ACTN1: variants seen among roughly 807,000 people sequenced by gnomAD.
The protein encoded by ACTN1 is actinin alpha 1.
ACTN1 carries 30 observed loss-of-function variants against 119.6 expected under a neutral mutation model. That is an observed-to-expected ratio of 0.25 (90% CI 0.19 to 0.34). The LOEUF is 0.34. Ranked by LOEUF, ACTN1 falls within the 10% of genes least tolerant of loss-of-function variation. ACTN1 has a pLI of 1.00. For missense variants in ACTN1, 764 were observed against 1,223.4 expected (o/e 0.62, Z 5.60); for synonymous variants, 429 against 472.6 (o/e 0.91, Z 1.20).
At chr14:68,962,216 C>G (rs2036563126) in intron 1 of ACTN1, among the ~76,000 whole-genome samples, 1 of 152,204 alleles carries the variant, frequency 6.6e-6, no homozygotes, top group Non-Finnish European at 1.5e-5. Flanking sequence ...GGCACGGGCG[C>G]CTGGGTGGTC....
Position 68,882,734 on chromosome 14 carries a change from A to C in ACTN1, c.1818+139T>G. 6.6e-7 allele frequency: 1 copy of C among 1,507,790 alleles called. No individual in the cohort carries two copies. Among genetic ancestry groups the C allele is most frequent in the Non-Finnish European group, 9.0e-7 (1 of 1,110,042 alleles). The allele number at this position is 1,507,790 out of a possible 1,614,324, so 93.4% of individuals were successfully genotyped here. A position where few individuals can be genotyped will look rare whatever the true frequency, so the allele number is the denominator to read the frequency against. Reference sequence around the variant, plus strand: ...AGGTGTCAACCTGTTCTGGAAACCCAGTCATTTGACATTTGGACAAACAAT... The same window carrying C: ...AGGTGTCAACCTGTTCTGGAAACCCCGTCATTTGACATTTGGACAAACAAT... On this transcript the variant is annotated intron_variant, in intron 15 of 21. Coordinates refer to ENST00000394419, the MANE Select transcript of ACTN1 (RefSeq NM_001130004.2). The surrounding 1 kb of genome is among the most constrained non-coding windows in gnomAD (Gnocchi z 4.5).
Position 68,969,480 on chromosome 14 carries a change from G to C in ACTN1, c.105+9472C>G, listed in dbSNP as rs74957082. Among the ~76,000 whole-genome samples the C allele has an allele frequency of 7.6e-3, 1,157 of 152,350 alleles. 15 individuals are homozygous for C. The highest frequency in any genetic ancestry group is 0.026 in the African/African-American group (1,090 of 41,568). On this transcript the variant is annotated intron_variant, in intron 1 of 21. Coordinates refer to ENST00000394419, the MANE Select transcript of ACTN1 (RefSeq NM_001130004.2). Reference sequence around the variant, plus strand: ...TTACAAAATATCGGGAACTCGACTGGAAAGCGCCATTATCTATTATCTGGA... The same window carrying C: ...TTACAAAATATCGGGAACTCGACTGCAAAGCGCCATTATCTATTATCTGGA...
At chr14:68,959,510 T>C (rs1478553924) in intron 1 of ACTN1, among the ~76,000 whole-genome samples, 3 of 152,234 alleles carry the variant, frequency 2.0e-5, no homozygotes, top group East Asian at 1.9e-4. Flanking sequence ...CACTTGATAC[T>C]TCCAAGTTCT....
chr14:68,979,162 GGC>G lies in ACTN1; in HGVS notation c.-108_-107del. On this transcript the variant is annotated 5_prime_UTR_variant, in exon 1 of 22. Transcript: ENST00000394419. ...GAGTAGGGCTGGGCTGGGCTGGGCT[GGC>G]GGGGCCGGGCTCGCTCCCCTGCGCC... The G allele has an allele frequency of 7.3e-6, 5 of 681,472 alleles. No homozygotes were observed. The Admixed American group carries it at 8.5e-5, about 12-fold the overall frequency. 42.2% of individuals were successfully genotyped at this position (681,472 alleles called of 1,614,324 possible).
At chr14:68,883,260 G>C in intron 14 of ACTN1, 1 of 592,520 alleles carries the variant, frequency 1.7e-6, no homozygotes. Context: ...CATCCTTAGG[G>C]CTGGTCAAAT....
At chr14:68,907,436 C>A (rs902685287) in intron 6 of ACTN1, among the ~76,000 whole-genome samples, 11 of 136,512 alleles carry the variant, frequency 8.1e-5, no homozygotes, top group African/African-American at 3.0e-4. Context: ...TGCTGGCGTG[C>A]GCCTGTAATC....
chr14:68,960,155 G>A (rs1241593344), intron 1 of ACTN1, among the ~76,000 whole-genome samples: 1 of 152,256 alleles, frequency 6.6e-6, no homozygotes, highest in Non-Finnish European at 1.5e-5. Flanking sequence ...AGCTACTGCT[G>A]TCTCGGGGTG....
intron 1 of ACTN1, among the ~76,000 whole-genome samples, chr14:68,966,788 A>G (rs983779760): frequency 1.3e-5 from 2 of 152,190 alleles, no homozygotes; most frequent in Non-Finnish European, 2.9e-5. Flanking sequence ...AAGGAAAACC[A>G]AGACCCAGGT....
rs184265425 is a variant in ACTN1 at position 68,883,105 on chromosome 14, A to G, written c.1636-50T>C. On this transcript the variant is annotated intron_variant, in intron 14 of 21. Coordinates refer to ENST00000394419, the MANE Select transcript of ACTN1 (RefSeq NM_001130004.2). ...GCAAGAGGAACAAAGGGAGCGCTAG[A>G]AGTGAGTGGAAGGGCCATGGAGGTT... 1.7e-3 allele frequency: 2,753 copies of G among 1,578,848 alleles called. 13 individuals are homozygous for G. The highest frequency in any genetic ancestry group is 4.2e-3 in the South Asian group (377 of 89,124).
chr14:68,929,069 C>G (rs1358496288), intron 1 of ACTN1, among the ~76,000 whole-genome samples: 1 of 151,382 alleles, frequency 6.6e-6, no homozygotes, highest in Admixed American at 6.6e-5. Context: ...GTGGCGGGTT[C>G]GTGGGAGAGG....
At chr14:68,956,439 A>G (rs1320716382) in intron 1 of ACTN1, among the ~76,000 whole-genome samples, 1 of 152,230 alleles carries the variant, frequency 6.6e-6, no homozygotes, top group Non-Finnish European at 1.5e-5. Context: ...AGCTTTATCT[A>G]AAAATTAAGT....
chr14:68,952,027 A>C (rs971807149), intron 1 of ACTN1, among the ~76,000 whole-genome samples: 1 of 152,168 alleles, frequency 6.6e-6, no homozygotes, highest in Non-Finnish European at 1.5e-5. Flanking sequence ...AGAGCAAAAC[A>C]AACAGTAGCC....
Position 68,879,076 on chromosome 14 carries a change from C to T in ACTN1, c.2281-7G>A. 1 of 1,602,848 alleles carries T rather than the reference C, an allele frequency of 6.2e-7. No homozygotes were observed. Among genetic ancestry groups the T allele is most frequent in the South Asian group, 1.1e-5 (1 of 90,538 alleles). On this transcript the variant is annotated splice_polypyrimidine_tract_variant and splice_region_variant and intron_variant, in intron 18 of 21. Transcript: ENST00000394419. The surrounding 1 kb of genome is among the most constrained non-coding windows in gnomAD (Gnocchi z 4.9). ...CCAGTGTGCCGGAGTGATCCTGGGG[C>T]CGCGGTGCGCCAGGCAGCGAGCCAT...
chr14:68,875,093 G>A, intron 21 of ACTN1, 76 bp from the exon 22 acceptor site: 1 of 1,588,960 alleles, frequency 6.3e-7, no homozygotes, highest in African/African-American at 1.3e-5. Context: ...CAGCCGCAAA[G>A]CCTGGCGGCG....
In ACTN1 at chr14:68,904,649, T is replaced by C. The variant is rs147440695; in HGVS notation, c.676+6A>G. Reference sequence around the variant, plus strand: ...GCAAGAGACACAGAAGGAAAGCGCCTTTCACCTTCGGCATCCAGCATCTTG... The same window carrying C: ...GCAAGAGACACAGAAGGAAAGCGCCCTTCACCTTCGGCATCCAGCATCTTG... On this transcript the variant is annotated splice_donor_region_variant and intron_variant, in intron 7 of 21. Transcript: ENST00000394419. 1.3e-3 allele frequency: 2,058 copies of C among 1,613,740 alleles called. 20 individuals are homozygous for C. In the African/African-American group the frequency reaches 0.023, roughly 18 times the overall value.
chr14:68,939,065 C>T (rs1027239850), intron 1 of ACTN1, among the ~76,000 whole-genome samples: 2 of 152,250 alleles, frequency 1.3e-5, no homozygotes, highest in African/African-American at 4.8e-5. Flanking sequence ...CTTGAGAGGG[C>T]TCCTGGGCCA....
intron 3 of ACTN1, among the ~76,000 whole-genome samples, chr14:68,914,176 G>A (rs1314921991): frequency 6.6e-6 from 1 of 151,788 alleles, no homozygotes; most frequent in African/African-American, 2.4e-5. Context: ...TCCATCCTGG[G>A]CAACAAAGCA....
At chr14:68,890,384 G>A in intron 10 of ACTN1, 98 bp from the exon 11 acceptor site, 4 of 1,406,256 alleles carry the variant, frequency 2.8e-6, no homozygotes, top group Non-Finnish European at 3.9e-6. Context: ...TGCCTTCCAG[G>A]AAGAGCCTCT....
intron 3 of ACTN1, among the ~76,000 whole-genome samples, chr14:68,919,038 C>T (rs723113): frequency 0.52 from 78,879 of 152,126 alleles, 20,931 homozygotes; most frequent in African/African-American, 0.63. Flanking sequence ...CAACACAGAG[C>T]GGGTACTCGG....
Sources: allele counts gnomAD v4.1 joint callset (sites outside exome capture counted in the v4.1 genomes callset), GRCh38; gene constraint gnomAD v4.1.1; non-coding constraint Gnocchi (gnomAD v3.1); transcripts MANE v1.5; gene names NCBI Gene and HGNC (gene_info 2026-07-23, HGNC 2026-07-21).